Variants in PLD1 observed in about 807,000 individuals in gnomAD.
The protein encoded by PLD1 is phospholipase D1.
A neutral mutation model predicts 137.1 loss-of-function variants in PLD1; 112 were observed. The observed-to-expected ratio is 0.82, with a 90% CI of 0.70 to 0.96. The LOEUF (loss-of-function observed/expected upper bound fraction) is 0.96, where lower values mean the gene tolerates loss of function less well. PLD1 is among the 40% of genes least tolerant of loss of function. PLD1 has a pLI of 0.00. For missense variants in PLD1, 1,321 were observed against 1,342.0 expected, an observed-to-expected ratio of 0.98 and a Z score of 0.24; for synonymous variants, 431 against 454.7, an observed-to-expected ratio of 0.95 and a Z score of 0.66.
chr3:171,764,053 C>T (rs1031451469), intron 1 of PLD1, among the ~76,000 whole-genome samples: 12 of 152,076 alleles, frequency 7.9e-5, no homozygotes, highest in East Asian at 3.9e-4. Context: ...CTCACTGTAG[C>T]GTTGAACTCC....
At chr3:171,735,444 C>T (rs1300715889) in intron 4 of PLD1, 48 bp downstream of exon 4, 4 of 1,524,024 alleles carry the variant, frequency 2.6e-6, no homozygotes, top group Admixed American at 3.3e-5. Context: ...ACAAAATACA[C>T]TTTCCATTCA....
chr3:171,669,112 G>A (rs574459876), intron 19 of PLD1, among the ~76,000 whole-genome samples: 39 of 152,216 alleles, frequency 2.6e-4, no homozygotes, highest in Middle Eastern at 6.8e-3. Flanking sequence ...GCAGCAATTC[G>A]TGCTGGTGGG....
chr3:171,707,044 T>C (rs1716749608), intron 11 of PLD1, among the ~76,000 whole-genome samples: 1 of 152,226 alleles, frequency 6.6e-6, no homozygotes, highest in Admixed American at 6.5e-5. Context: ...GAGGCCATTA[T>C]CCTTAGAAAA....
intron 24 of PLD1, among the ~76,000 whole-genome samples, chr3:171,617,154 A>G (rs1056459392): frequency 3.9e-5 from 6 of 152,246 alleles, no homozygotes; most frequent in African/African-American, 1.4e-4. Context: ...AGAACCAGGC[A>G]TTGGTATACC....
intron 1 of PLD1, among the ~76,000 whole-genome samples, chr3:171,790,486 C>T (rs376128812): frequency 5.3e-5 from 8 of 152,310 alleles, no homozygotes; most frequent in South Asian, 4.1e-4. Flanking sequence ...AGCTCTCTCC[C>T]AATCTCTTGC....
chr3:171,690,888 C>T (rs1333706724), intron 13 of PLD1, among the ~76,000 whole-genome samples: 1 of 152,178 alleles, frequency 6.6e-6, no homozygotes, highest in Non-Finnish European at 1.5e-5. Context: ...TACTTATCTT[C>T]TGTCTGGTTG....
intron 1 of PLD1, among the ~76,000 whole-genome samples, chr3:171,791,617 A>T (rs1723214284): frequency 6.6e-6 from 1 of 152,192 alleles, no homozygotes; most frequent in Non-Finnish European, 1.5e-5. Flanking sequence ...CAAACAGGAA[A>T]AAGCTGACAC....
At chr3:171,774,796 G>T (rs115606565) in intron 1 of PLD1, among the ~76,000 whole-genome samples, 480 of 152,332 alleles carry the variant, frequency 3.2e-3, no homozygotes, top group African/African-American at 0.011. Flanking sequence ...GGACAAGGAG[G>T]AAGGGCAGGG....
chr3:171,802,741 T>TGA, intron 1 of PLD1, among the ~76,000 whole-genome samples: 1 of 152,316 alleles, frequency 6.6e-6, no homozygotes. Context: ...CAGGCTCCAA[T>TGA]GAATGAGCAT....
At chr3:171,704,712 A>G (rs531963810) in intron 11 of PLD1, among the ~76,000 whole-genome samples, 1 of 152,302 alleles carries the variant, frequency 6.6e-6, no homozygotes, top group Non-Finnish European at 1.5e-5. Flanking sequence ...AAACAAAAGC[A>G]AACAATAAAT....
intron 1 of PLD1, chr3:171,809,472 G>C (rs944815986): frequency 6.6e-6 from 1 of 152,192 alleles, no homozygotes; most frequent in Non-Finnish European, 1.5e-5. Context: ...GCCCACGAAG[G>C]CTTATCTTAA....
At chr3:171,653,453 G>T (rs1370793481) in intron 21 of PLD1, 1 of 152,182 alleles carries the variant, frequency 6.6e-6, no homozygotes, top group Non-Finnish European at 1.5e-5. Flanking sequence ...TGATTCCCAG[G>T]AAGAGTCAGC....
intron 21 of PLD1, chr3:171,653,361 A>G (rs1736937752): frequency 6.6e-6 from 1 of 152,260 alleles, no homozygotes; most frequent in Admixed American, 6.5e-5. Context: ...AACTAAACAC[A>G]TATTATGCTT....
chr3:171,757,483 G>A (rs1488398060), intron 1 of PLD1, among the ~76,000 whole-genome samples: 1 of 152,156 alleles, frequency 6.6e-6, no homozygotes. Flanking sequence ...CACTCATGCT[G>A]GGCAATTGTT....
intron 21 of PLD1, among the ~76,000 whole-genome samples, chr3:171,654,535 T>C (rs1414856473): frequency 1.3e-5 from 2 of 152,216 alleles, no homozygotes; most frequent in African/African-American, 2.4e-5. Flanking sequence ...CAAGTTTCCA[T>C]GTGCAAAGAT....
At chr3:171,800,867 A>G (rs980740576) in intron 1 of PLD1, among the ~76,000 whole-genome samples, 4 of 152,260 alleles carry the variant, frequency 2.6e-5, no homozygotes, top group African/African-American at 9.6e-5. Context: ...CCTCTTTTAT[A>G]AAGGCACTAA....
At chr3:171,700,279 A>T in intron 11 of PLD1, among the ~76,000 whole-genome samples, 1 of 151,106 alleles carries the variant, frequency 6.6e-6, no homozygotes, top group Non-Finnish European at 1.5e-5. Flanking sequence ...ACAGGGGCTT[A>T]ATGGGAAAGT....
rs764585992 is a variant in PLD1, at chr3:171,687,600, T to G, written c.1540-16A>C. On this transcript the variant is annotated splice_polypyrimidine_tract_variant and intron_variant, in intron 14 of 26. Coordinates refer to ENST00000351298, the MANE Select transcript of PLD1 (RefSeq NM_002662.5). The stretch of plus-strand genomic sequence containing the variant: ...TTGCGGCAGGCTGAGAAAAATTTTT[T>G]TTTAAAAAAAGACACTGCATAAGAC... 6.3e-6 allele frequency: 10 copies of G among 1,587,542 alleles called. No homozygotes were observed. The African/African-American group carries it at 1.1e-4, about 17-fold the overall frequency.
chr3:171,638,184 C>CAAAA (rs1040418705), intron 23 of PLD1, among the ~76,000 whole-genome samples: 3 of 66,784 alleles, frequency 4.5e-5, no homozygotes, highest in African/African-American at 1.0e-4. Context: ...GACTCCGTCT[C>CAAAA]AAAAAAAAAA....
Sources: gnomAD v4.1 joint callset for allele counts (sites outside exome capture counted in the v4.1 genomes callset) on GRCh38, gnomAD v4.1.1 for gene constraint, MANE v1.5 for transcripts, NCBI Gene and HGNC (gene_info 2026-07-23, HGNC 2026-07-21) for gene names.